The following ZNF536 variants were observed in gnomAD, a reference collection of about 807,000 sequenced individuals.
ZNF536 encodes zinc finger protein 536.
Under a neutral mutation model 84.5 loss-of-function variants are expected in ZNF536, and 13 were observed. The ratio of observed to expected loss-of-function variants is 0.15; its 90% CI spans 0.10 to 0.24. The LOEUF (loss-of-function observed/expected upper bound fraction) is 0.24, where lower values mean the gene tolerates loss of function less well. Ranked by LOEUF, ZNF536 falls within the 10% of genes least tolerant of loss-of-function variation. The pLI, the probability that ZNF536 is intolerant of heterozygous loss-of-function variation, is 1.00. For synonymous variants in ZNF536, 811 were observed against 742.5 expected, an observed-to-expected ratio of 1.09 and a Z score of -1.50; for missense variants, 1,536 against 1,747.5, an observed-to-expected ratio of 0.88 and a Z score of 2.16.
intron 1 of ZNF536, among the ~76,000 whole-genome samples, chr19:30,423,797 G>C (rs373123544): frequency 1.3e-5 from 2 of 152,188 alleles, no homozygotes; most frequent in Middle Eastern, 3.2e-3. Flanking sequence ...CAGCTGTGGC[G>C]GGGAACGGGG....
chr19:30,640,910 T>C (rs1045115969), intron 1 of ZNF536, among the ~76,000 whole-genome samples: 1 of 152,232 alleles, frequency 6.6e-6, no homozygotes, highest in Non-Finnish European at 1.5e-5. Flanking sequence ...GGGCACATCC[T>C]GGTTTGGTAT....
chr19:30,238,453 A>ACAAT (rs769047512), intron 1 of ZNF536, among the ~76,000 whole-genome samples: 9 of 151,880 alleles, frequency 5.9e-5, no homozygotes, highest in Non-Finnish European at 1.0e-4. Flanking sequence ...ACACACACAC[A>ACAAT]CACACAATCA....
chr19:30,545,946 G>A (rs959710067), intron 3 of ZNF536, among the ~76,000 whole-genome samples: 2 of 152,224 alleles, frequency 1.3e-5, no homozygotes, highest in African/African-American at 4.8e-5. Context: ...GCACCTGCGG[G>A]CCTCACCTCT....
intron 3 of ZNF536, among the ~76,000 whole-genome samples, chr19:30,538,257 C>A (rs1272358673): frequency 6.6e-6 from 1 of 152,110 alleles, no homozygotes; most frequent in South Asian, 2.1e-4. Context: ...TACATGTACT[C>A]CAAAATGCCA....
intron 1 of ZNF536, among the ~76,000 whole-genome samples, chr19:30,582,130 G>T (rs529264475): frequency 3.3e-5 from 5 of 152,186 alleles, no homozygotes; most frequent in Admixed American, 1.3e-4. Context: ...CTCACTTTCA[G>T]CTCTGGAAGC....
chr19:30,529,176 G>C lies in ZNF536; in HGVS notation c.2171-5671G>C, dbSNP rs570032997. 6.6e-5 allele frequency among the ~76,000 whole-genome samples: 10 copies of C among 152,218 alleles called. No homozygotes were observed. In the East Asian group the frequency reaches 1.9e-3, roughly 29 times the overall value. On this transcript the variant is annotated intron_variant, in intron 2 of 4. Transcript: ENST00000355537. The stretch of plus-strand genomic sequence containing the variant: ...TACAAAGAAGTTCAGTGTTTAGAGA[G>C]AATCTAGGGGGAAATCTACCCTTCA...
At chr19:30,463,987 C>A (rs1025711805) in intron 2 of ZNF536, among the ~76,000 whole-genome samples, 1 of 152,210 alleles carries the variant, frequency 6.6e-6, no homozygotes, top group Non-Finnish European at 1.5e-5. Flanking sequence ...GCCTAAGAGG[C>A]GGCTCTAGGA....
At chr19:30,592,196 A>G (rs2146806298) in intron 1 of ZNF536, among the ~76,000 whole-genome samples, 1 of 152,352 alleles carries the variant, frequency 6.6e-6, no homozygotes, top group East Asian at 1.9e-4. Flanking sequence ...TGCAAAGCAA[A>G]AATAGCATCC....
chr19:30,256,783 C>G (rs1244106202), intron 1 of ZNF536, among the ~76,000 whole-genome samples: 1 of 152,182 alleles, frequency 6.6e-6, no homozygotes, highest in Non-Finnish European at 1.5e-5. Flanking sequence ...TTTTTGAAGA[C>G]TTCCGGGAGA....
intron 4 of ZNF536, 82 bp from the exon 5 acceptor site, chr19:30,557,075 A>T (rs1045302615): frequency 7.0e-7 from 1 of 1,436,100 alleles, no homozygotes; most frequent in Non-Finnish European, 9.7e-7. Flanking sequence ...CGATTAGGGG[A>T]TGTGGCCCTG....
intron 2 of ZNF536, among the ~76,000 whole-genome samples, chr19:30,348,657 A>G (rs2047826877): frequency 6.6e-6 from 1 of 152,184 alleles, no homozygotes; most frequent in East Asian, 1.9e-4. Flanking sequence ...AGGAGAGGTT[A>G]TCTGTCTTGA....
chr19:30,254,702 T>C (rs192350905), intron 1 of ZNF536, among the ~76,000 whole-genome samples: 1 of 152,204 alleles, frequency 6.6e-6, no homozygotes, highest in East Asian at 1.9e-4. Flanking sequence ...TGTGCAGAGA[T>C]TGGGAAGTAG....
At chr19:30,467,356 G>A (rs921017331) in intron 2 of ZNF536, among the ~76,000 whole-genome samples, 1 of 152,154 alleles carries the variant, frequency 6.6e-6, no homozygotes, top group African/African-American at 2.4e-5. Context: ...CATATAAGTA[G>A]AATCACACAG....
At chr19:30,475,747 G>A (rs1368013519) in intron 2 of ZNF536, among the ~76,000 whole-genome samples, 1 of 152,138 alleles carries the variant, frequency 6.6e-6, no homozygotes, top group Non-Finnish European at 1.5e-5. Flanking sequence ...ACGAGCCCCA[G>A]ACATGGCCCC....
At chr19:30,577,876 A>G (rs1182038954) in intron 1 of ZNF536, among the ~76,000 whole-genome samples, 2 of 152,242 alleles carry the variant, frequency 1.3e-5, no homozygotes, top group Admixed American at 1.3e-4. Context: ...TTCAAAGGCC[A>G]CATTCCAATT....
At chr19:30,598,691 G>A (rs911724326) in intron 1 of ZNF536, among the ~76,000 whole-genome samples, 5 of 151,890 alleles carry the variant, frequency 3.3e-5, no homozygotes, top group African/African-American at 1.2e-4. Flanking sequence ...TTACCCCATG[G>A]AACATTATTT....
intron 4 of ZNF536, among the ~76,000 whole-genome samples, chr19:30,552,153 C>T (rs1052800854): frequency 1.3e-5 from 2 of 152,148 alleles, no homozygotes; most frequent in African/African-American, 4.8e-5. Context: ...GTGATATTAG[C>T]ACAATGAATA....
intron 1 of ZNF536, among the ~76,000 whole-genome samples, chr19:30,631,975 G>A (rs1014584687): frequency 6.6e-6 from 1 of 152,040 alleles, no homozygotes; most frequent in Non-Finnish European, 1.5e-5. Context: ...TATAAAACAC[G>A]GCCCCTCTTG....
chr19:30,502,429 A>G (rs1773156113), intron 2 of ZNF536, among the ~76,000 whole-genome samples: 2 of 152,112 alleles, frequency 1.3e-5, no homozygotes, highest in Admixed American at 6.5e-5. Flanking sequence ...CCAGGGGAAG[A>G]GGCCCTGGAA....
Sources: allele counts gnomAD v4.1 joint callset (sites outside exome capture counted in the v4.1 genomes callset), GRCh38; gene constraint gnomAD v4.1.1; transcripts MANE v1.5; gene names NCBI Gene and HGNC (gene_info 2026-07-23, HGNC 2026-07-21).